EXT1: variants seen among roughly 807,000 people sequenced by gnomAD.
EXT1 encodes the protein exostosin-1.
In EXT1, 20 loss-of-function variants were observed where a neutral mutation model predicts 82.5. That is an observed-to-expected ratio of 0.24 (90% CI 0.17 to 0.35). The LOEUF (loss-of-function observed/expected upper bound fraction) is 0.35. EXT1 is among the 10% of genes least tolerant of loss of function. The pLI is 1.00. For missense variants in EXT1, 757 were observed against 936.5 expected, an observed-to-expected ratio of 0.81 and a Z score of 2.50; for synonymous variants, 348 against 350.8, an observed-to-expected ratio of 0.99 and a Z score of 0.09.
chr8:118,063,086 T>G (rs2129946644), intron 1 of EXT1, among the ~76,000 whole-genome samples: 1 of 152,342 alleles, frequency 6.6e-6, no homozygotes, highest in Non-Finnish European at 1.5e-5. Flanking sequence ...GGAGAATTTT[T>G]TTTTTTAACT....
At chr8:117,971,839 A>T (rs939678400) in intron 1 of EXT1, among the ~76,000 whole-genome samples, 1 of 152,174 alleles carries the variant, frequency 6.6e-6, no homozygotes, top group Non-Finnish European at 1.5e-5. Flanking sequence ...TGCATTCAAG[A>T]TCACCAAAAG....
intron 1 of EXT1, among the ~76,000 whole-genome samples, chr8:117,840,304 G>A (rs1366566114): frequency 1.3e-5 from 2 of 151,986 alleles, no homozygotes; most frequent in East Asian, 1.9e-4. Flanking sequence ...TCAAGAAAGT[G>A]AAAAAGAGCC....
intron 1 of EXT1, among the ~76,000 whole-genome samples, chr8:117,859,772 C>T (rs920601229): frequency 2.6e-5 from 4 of 152,116 alleles, no homozygotes; most frequent in African/African-American, 7.2e-5. Flanking sequence ...GAAAAGTGTC[C>T]ATCAATGGAT....
intron 1 of EXT1, among the ~76,000 whole-genome samples, chr8:117,972,227 C>T (rs1439674431): frequency 6.6e-6 from 1 of 151,508 alleles, no homozygotes; most frequent in African/African-American, 2.4e-5. Flanking sequence ...CCAGAATAGG[C>T]TTCAGGATTT....
intron 10 of EXT1, among the ~76,000 whole-genome samples, chr8:117,800,234 T>G (rs1038935614): frequency 1.8e-4 from 27 of 152,224 alleles, no homozygotes; most frequent in African/African-American, 6.5e-4. Context: ...TCTTTGCACT[T>G]GGGACCAAGT....
intron 1 of EXT1, among the ~76,000 whole-genome samples, chr8:117,891,702 T>A (rs1422344004): frequency 6.6e-6 from 1 of 151,688 alleles, no homozygotes; most frequent in Non-Finnish European, 1.5e-5. Flanking sequence ...TTATCCCTCC[T>A]CACATAAAAA....
At chr8:117,859,959 C>A (rs181174300) in intron 1 of EXT1, among the ~76,000 whole-genome samples, 87 of 151,934 alleles carry the variant, frequency 5.7e-4, no homozygotes, top group African/African-American at 2.0e-3. Flanking sequence ...ACAGCCTGGC[C>A]CACATGGTGC....
rs11318164 is a variant in EXT1, at chr8:118,090,778, C to CAAAAAAAAAAAAAAA, written c.962+19292_962+19306dup. 5.1e-4 allele frequency among the ~76,000 whole-genome samples: 14 copies of CAAAAAAAAAAAAAAA among 27,198 alleles called. 4 individuals carry two copies. The highest frequency in any genetic ancestry group is 9.6e-4 in the Non-Finnish European group (14 of 14,630). 17.8% of individuals were successfully genotyped at this position (27,198 alleles called of 152,430 possible). A position where few individuals can be genotyped will look rare whatever the true frequency, so the allele number is the denominator to read the frequency against. ...TGGGTGAGACAGTGAGATTCTGTCT[C>CAAAAAAAAAAAAAAA]AAAAAAAAAAAAAAAAAAAAAAAAA... On this transcript the variant is annotated intron_variant, in intron 1 of 10. Transcript: ENST00000378204.
intron 1 of EXT1, among the ~76,000 whole-genome samples, chr8:118,050,264 T>C (rs1030697874): frequency 6.6e-6 from 1 of 152,204 alleles, no homozygotes; most frequent in Non-Finnish European, 1.5e-5. Flanking sequence ...GAGGGAAAGA[T>C]ACCAGCACTG....
intron 1 of EXT1, among the ~76,000 whole-genome samples, chr8:117,955,172 T>C (rs150457592): frequency 7.4e-4 from 113 of 152,306 alleles, no homozygotes; most frequent in Middle Eastern, 6.8e-3. Flanking sequence ...GAGGCTTCTA[T>C]CCCCATGGAG....
intron 1 of EXT1, among the ~76,000 whole-genome samples, chr8:117,933,474 G>A (rs1352447650): frequency 6.6e-6 from 1 of 152,078 alleles, no homozygotes; most frequent in Admixed American, 6.5e-5. Context: ...TCCAAATCGT[G>A]ACCTCAAGGG....
intron 7 of EXT1, 87 bp downstream of exon 7, chr8:117,818,348 A>G: frequency 1.0e-6 from 1 of 982,022 alleles, no homozygotes. Flanking sequence ...AACAGGGAGA[A>G]GATATCTAGG....
In EXT1 at chr8:117,913,161, G is replaced by C. The variant is rs28357284; in HGVS notation, c.963-75960C>G. ...CGCTTGAACCCGGGAGGTGGAGGTT[G>C]CAGTGAGCAAAGACTGCACCACTAC... On this transcript the variant is annotated intron_variant, in intron 1 of 10. Transcript: ENST00000378204. Among the ~76,000 whole-genome samples, 932 of 152,282 alleles carry C rather than the reference G, an allele frequency of 6.1e-3. 3 individuals are homozygous for C. The highest frequency in any genetic ancestry group is 0.01 in the African/African-American group (430 of 41,558).
intron 1 of EXT1, among the ~76,000 whole-genome samples, chr8:118,004,228 A>G (rs1815729837): frequency 6.6e-6 from 1 of 152,360 alleles, no homozygotes; most frequent in South Asian, 2.1e-4. Flanking sequence ...TTCCAAGAAG[A>G]GAGGGATTCA....
chr8:117,970,029 T>C (rs1163479347), intron 1 of EXT1, among the ~76,000 whole-genome samples: 1 of 152,176 alleles, frequency 6.6e-6, no homozygotes, highest in Non-Finnish European at 1.5e-5. Flanking sequence ...TTTTAACATG[T>C]TACTTCAACC....
chr8:118,055,574 T>C (rs1468481554), intron 1 of EXT1, among the ~76,000 whole-genome samples: 2 of 152,182 alleles, frequency 1.3e-5, no homozygotes, highest in Non-Finnish European at 2.9e-5. Flanking sequence ...AAACAAAACC[T>C]CATTCTCTTT....
intron 1 of EXT1, among the ~76,000 whole-genome samples, chr8:118,095,009 C>T (rs987017394): frequency 1.3e-5 from 2 of 152,168 alleles, no homozygotes; most frequent in Non-Finnish European, 2.9e-5. Context: ...AAACATACAA[C>T]ACACATGCAG....
At position 117,830,260 on chromosome 8, in the gene EXT1, T is replaced by A. The variant is rs765696038; in HGVS notation, c.1254A>T (p.Ser418=). 1.2e-6 allele frequency: 2 copies of A among 1,614,066 alleles called. No homozygotes were observed. The highest frequency in any genetic ancestry group is 1.1e-5 in the South Asian group (1 of 91,084). Residue 418 remains serine (S), a synonymous_variant, in exon 4 of 11, where the codon TCA becomes TCT. Coordinates refer to ENST00000378204, the MANE Select transcript of EXT1 (RefSeq NM_000127.3). The part of the protein sequence containing the change: ...TQFLWEAYFS[S]VEKIVLTTLE... ...GTGTAGTTAATACAATCTTCTCAAC[T>A]GAAGAAAAATAAGCCTCCCACAAGA...
In EXT1 at chr8:118,044,588, G is replaced by A. The variant is rs532052441; in HGVS notation, c.962+65497C>T. Among the ~76,000 whole-genome samples, 3 of 152,210 alleles carry A rather than the reference G, an allele frequency of 2.0e-5. No individual in the cohort carries two copies. The South Asian group carries it at 6.2e-4, about 32-fold the overall frequency. On this transcript the variant is annotated intron_variant, in intron 1 of 10. Transcript: ENST00000378204. ...ATGCCTGGCTAATTTTGTATTTTTA[G>A]TAGAGACGAGGTTTCTCCATGTTGG...
Sources: allele counts gnomAD v4.1 joint callset (sites outside exome capture counted in the v4.1 genomes callset), GRCh38; gene constraint gnomAD v4.1.1; transcripts MANE v1.5; gene names NCBI Gene and HGNC (gene_info 2026-07-23, HGNC 2026-07-21).